Variants in TMEM163 observed in about 807,000 individuals in gnomAD.
TMEM163 encodes the protein transmembrane protein 163.
TMEM163 carries 17 observed loss-of-function variants against 29.3 expected under a neutral mutation model. The ratio of observed to expected loss-of-function variants is 0.58; its 90% CI spans 0.40 to 0.87. The LOEUF is 0.87. Among genes scored for constraint, TMEM163 ranks in the 40% least tolerant of loss-of-function variants. The pLI is 0.00. For synonymous variants in TMEM163, 157 were observed against 160.6 expected (o/e 0.98, Z 0.17); for missense variants, 303 against 381.5 (o/e 0.79, Z 1.71).
At chr2:134,497,303 A>G (rs1679591233) in intron 5 of TMEM163, among the ~76,000 whole-genome samples, 1 of 152,220 alleles carries the variant, frequency 6.6e-6, no homozygotes. Context: ...GTTGGTCTGG[A>G]GATGAGCAAT....
chr2:134,511,154 G>GGGT (rs1553475801), intron 4 of TMEM163, among the ~76,000 whole-genome samples: 1 of 35,456 alleles, frequency 2.8e-5, no homozygotes, highest in African/African-American at 3.0e-4. Context: ...AGAACAAGGC[G>GGGT]GGGGGGGGTG....
intron 4 of TMEM163, among the ~76,000 whole-genome samples, chr2:134,536,568 G>A (rs1363543158): frequency 6.6e-6 from 1 of 152,112 alleles, no homozygotes; most frequent in Non-Finnish European, 1.5e-5. Flanking sequence ...CTATGGCTCT[G>A]GGCTTCTGTC....
chr2:134,493,903 C>T (rs1679487344), intron 5 of TMEM163, among the ~76,000 whole-genome samples: 1 of 152,130 alleles, frequency 6.6e-6, no homozygotes, highest in African/African-American at 2.4e-5. Flanking sequence ...ACCTTGGCAC[C>T]TCTGTCAAAA....
intron 2 of TMEM163, among the ~76,000 whole-genome samples, chr2:134,708,034 G>A (rs763108775): frequency 2.0e-5 from 3 of 151,718 alleles, no homozygotes; most frequent in Non-Finnish European, 4.4e-5. Context: ...TAACAGGCAC[G>A]CACCACCACA....
intron 4 of TMEM163, among the ~76,000 whole-genome samples, chr2:134,543,534 T>C (rs1680720966): frequency 6.6e-6 from 1 of 152,226 alleles, no homozygotes; most frequent in Non-Finnish European, 1.5e-5. Context: ...AGAGACATGA[T>C]ACTGTTTTAA....
At chr2:134,539,575 ATATG>A (rs1323392294) in intron 4 of TMEM163, among the ~76,000 whole-genome samples, 1 of 152,212 alleles carries the variant, frequency 6.6e-6, no homozygotes, top group African/African-American at 2.4e-5. Flanking sequence ...CAAAAACTGT[ATATG>A]TATCTTATAA....
At chr2:134,627,174 C>T (rs557381082) in intron 2 of TMEM163, among the ~76,000 whole-genome samples, 6 of 152,248 alleles carry the variant, frequency 3.9e-5, no homozygotes, top group Admixed American at 3.3e-4. Context: ...ATTGTCTGCT[C>T]ATGTCTTTTT....
At chr2:134,716,232 T>G (rs1685034917) in intron 1 of TMEM163, among the ~76,000 whole-genome samples, 1 of 152,170 alleles carries the variant, frequency 6.6e-6, no homozygotes, top group South Asian at 2.1e-4. Flanking sequence ...GGAAGAATGA[T>G]TAAGATAAAC....
chr2:134,555,039 C>T (rs1379023464), intron 2 of TMEM163, among the ~76,000 whole-genome samples: 2 of 152,210 alleles, frequency 1.3e-5, no homozygotes, highest in Non-Finnish European at 2.9e-5. Flanking sequence ...AGCCTTAGCT[C>T]TGACAGCTTC....
chr2:134,707,859 T>A (rs1189024463), intron 2 of TMEM163, among the ~76,000 whole-genome samples: 1 of 149,346 alleles, frequency 6.7e-6, no homozygotes, highest in Non-Finnish European at 1.5e-5. Flanking sequence ...GTTTGGGGTG[T>A]CTGAAAAAAG....
chr2:134,717,255 C>G (rs1486593472), intron 1 of TMEM163, among the ~76,000 whole-genome samples: 1 of 152,148 alleles, frequency 6.6e-6, no homozygotes, highest in African/African-American at 2.4e-5. Flanking sequence ...TTTTTAAATC[C>G]TACGATATTA....
intron 2 of TMEM163, among the ~76,000 whole-genome samples, chr2:134,595,120 A>T (rs1021156204): frequency 7.9e-5 from 12 of 151,470 alleles, no homozygotes; most frequent in South Asian, 4.2e-4. Context: ...TTATATATAT[A>T]TTTTTTATTA....
chr2:134,634,018 T>A lies in TMEM163; in HGVS notation c.322+79182A>T, dbSNP rs71348711. 1.8e-3 allele frequency among the ~76,000 whole-genome samples: 50 copies of A among 27,428 alleles called. 2 individuals carry two copies. The highest frequency in any genetic ancestry group is 7.6e-3 in the South Asian group (11 of 1,438). 18.0% of individuals were successfully genotyped at this position (27,428 alleles called of 152,430 possible). A position where few individuals can be genotyped will look rare whatever the true frequency, so the allele number is the denominator to read the frequency against. On this transcript the variant is annotated intron_variant, in intron 2 of 7. Coordinates refer to ENST00000281924, the MANE Select transcript of TMEM163 (RefSeq NM_030923.5). ...ATATATATATATATATATATATATATATAATAGGACTGTTTTAAGATGCAA... is the reference window on the plus strand; with the variant it reads ...ATATATATATATATATATATATATAAATAATAGGACTGTTTTAAGATGCAA...
At chr2:134,483,937 A>G (rs747379198) in intron 5 of TMEM163, among the ~76,000 whole-genome samples, 1 of 152,208 alleles carries the variant, frequency 6.6e-6, no homozygotes, top group Non-Finnish European at 1.5e-5. Flanking sequence ...TGAGGTCAGG[A>G]GTTCGAGACC....
rs181762654 is a variant in TMEM163 at position 134,478,222 on chromosome 2, G to T, written c.556-11997C>A. Among the ~76,000 whole-genome samples, 99 of 152,012 alleles carry T rather than the reference G, an allele frequency of 6.5e-4. 1 individual carries two copies. Among genetic ancestry groups the T allele is most frequent in the African/African-American group, 2.3e-3 (94 of 41,474 alleles). ...GTAGAACCATGAGTCAGTTAAACCTGTTTTCTTTATAAATTACCTAGCATC... is the reference window on the plus strand; with the variant it reads ...GTAGAACCATGAGTCAGTTAAACCTTTTTTCTTTATAAATTACCTAGCATC... On this transcript the variant is annotated intron_variant, in intron 5 of 7. Coordinates refer to ENST00000281924, the MANE Select transcript of TMEM163 (RefSeq NM_030923.5).
rs914756837 is a variant in TMEM163, at chr2:134,609,992, T to A, written c.323-57901A>T. ...GGGAGGAGAAAGCAGAGAGAGAAAATCAAAGCTGCTGGGTGGGGTGAGGCA... is the reference window on the plus strand; with the variant it reads ...GGGAGGAGAAAGCAGAGAGAGAAAAACAAAGCTGCTGGGTGGGGTGAGGCA... On this transcript the variant is annotated intron_variant, in intron 2 of 7. Coordinates refer to ENST00000281924, the MANE Select transcript of TMEM163 (RefSeq NM_030923.5). Among the ~76,000 whole-genome samples the A allele has an allele frequency of 3.3e-5, 5 of 151,468 alleles. No homozygotes were observed. The South Asian group carries it at 1.0e-3, about 32-fold the overall frequency.
chr2:134,715,622 T>G (rs1298096152), intron 1 of TMEM163, among the ~76,000 whole-genome samples: 1 of 152,204 alleles, frequency 6.6e-6, no homozygotes, highest in Non-Finnish European at 1.5e-5. Context: ...AAGTGTAGTA[T>G]GATGATGTAT....
At chr2:134,675,722 A>G (rs1574330847) in intron 2 of TMEM163, among the ~76,000 whole-genome samples, 1 of 152,210 alleles carries the variant, frequency 6.6e-6, no homozygotes, top group South Asian at 2.1e-4. Context: ...AGAGCTCCCA[A>G]CAGGGCAGCC....
At chr2:134,688,800 C>A (rs1231717425) in intron 2 of TMEM163, among the ~76,000 whole-genome samples, 1 of 152,120 alleles carries the variant, frequency 6.6e-6, no homozygotes, top group East Asian at 1.9e-4. Flanking sequence ...CGCCCCACTC[C>A]CTCCTCCCTG....
Sources: allele counts gnomAD v4.1 joint callset (sites outside exome capture counted in the v4.1 genomes callset), GRCh38; gene constraint gnomAD v4.1.1; transcripts MANE v1.5; gene names NCBI Gene and HGNC (gene_info 2026-07-23, HGNC 2026-07-21).